SLC25A21: variants seen among roughly 807,000 people sequenced by gnomAD.
SLC25A21 encodes mitochondrial 2-oxodicarboxylate carrier.
A neutral mutation model predicts 43.8 loss-of-function variants in SLC25A21; 47 were observed. That is an observed-to-expected ratio of 1.07 (90% CI 0.85 to 1.37). SLC25A21 has a LOEUF of 1.37. SLC25A21 is among the 40% of genes most tolerant of loss of function. The pLI, the probability that SLC25A21 is intolerant of heterozygous loss-of-function variation, is 0.00. For missense variants in SLC25A21, 352 were observed against 350.2 expected (o/e 1.00, Z -0.04); for synonymous variants, 131 against 121.3 (o/e 1.08, Z -0.52).
At chr14:36,819,909 A>C (rs1291705306) in intron 2 of SLC25A21, among the ~76,000 whole-genome samples, 1 of 152,218 alleles carries the variant, frequency 6.6e-6, no homozygotes, top group Non-Finnish European at 1.5e-5. Context: ...TAACTTATAT[A>C]TTCCTATCTT....
intron 2 of SLC25A21, among the ~76,000 whole-genome samples, chr14:36,841,268 T>C (rs1370885452): frequency 6.6e-6 from 1 of 152,190 alleles, no homozygotes; most frequent in Non-Finnish European, 1.5e-5. Context: ...AACACAAAAG[T>C]ATATAATTCA....
At chr14:37,094,829 C>A (rs1162273537) in intron 1 of SLC25A21, among the ~76,000 whole-genome samples, 1 of 151,834 alleles carries the variant, frequency 6.6e-6, no homozygotes, top group African/African-American at 2.4e-5. Context: ...AAGTCAAATA[C>A]TGGTACCCAG....
chr14:36,740,085 C>T (rs2139238382), intron 3 of SLC25A21, among the ~76,000 whole-genome samples: 1 of 152,302 alleles, frequency 6.6e-6, no homozygotes, highest in East Asian at 1.9e-4. Flanking sequence ...GACATCATTG[C>T]TCCCAAGCTA....
chr14:36,694,756 G>T (rs1882944213), intron 7 of SLC25A21, among the ~76,000 whole-genome samples: 1 of 151,838 alleles, frequency 6.6e-6, no homozygotes, highest in African/African-American at 2.4e-5. Context: ...TTTTCATGAG[G>T]TTGTTTTTTT....
At chr14:36,691,126 T>C (rs972211205) in intron 7 of SLC25A21, among the ~76,000 whole-genome samples, 27 of 152,124 alleles carry the variant, frequency 1.8e-4, no homozygotes, top group Non-Finnish European at 3.2e-4. Flanking sequence ...AGAGCTAAAG[T>C]TCTATTATTT....
intron 1 of SLC25A21, among the ~76,000 whole-genome samples, chr14:37,090,508 G>C (rs977614328): frequency 6.6e-6 from 1 of 152,146 alleles, no homozygotes. Context: ...GGATGTCAAC[G>C]TGTTATTTTT....
chr14:36,802,833 A>G (rs1207469318), intron 3 of SLC25A21, among the ~76,000 whole-genome samples: 1 of 152,216 alleles, frequency 6.6e-6, no homozygotes, highest in Non-Finnish European at 1.5e-5. Flanking sequence ...AGGAGTTATA[A>G]TTGTGCCAGA....
chr14:36,945,958 A>G (rs1439914767), intron 1 of SLC25A21, among the ~76,000 whole-genome samples: 1 of 152,208 alleles, frequency 6.6e-6, no homozygotes, highest in African/African-American at 2.4e-5. Context: ...AAAGTCCAAA[A>G]TAAGAATTTG....
intron 1 of SLC25A21, among the ~76,000 whole-genome samples, chr14:36,943,914 A>G (rs1892625099): frequency 6.6e-6 from 1 of 152,204 alleles, no homozygotes; most frequent in East Asian, 1.9e-4. Flanking sequence ...TAATTAATTA[A>G]TTGAAAAAAT....
chr14:37,033,101 C>T (rs1407652789), intron 1 of SLC25A21, among the ~76,000 whole-genome samples: 1 of 152,158 alleles, frequency 6.6e-6, no homozygotes, highest in African/African-American at 2.4e-5. Flanking sequence ...AAAACTAACA[C>T]TCTATACCCA....
intron 1 of SLC25A21, among the ~76,000 whole-genome samples, chr14:36,942,584 T>G (rs1489518472): frequency 6.6e-6 from 1 of 152,196 alleles, no homozygotes; most frequent in African/African-American, 2.4e-5. Flanking sequence ...GATTTTAATT[T>G]TATGCAAGGA....
intron 1 of SLC25A21, among the ~76,000 whole-genome samples, chr14:37,022,054 G>C (rs989780327): frequency 1.2e-4 from 18 of 144,536 alleles, no homozygotes; most frequent in African/African-American, 4.2e-4. Flanking sequence ...GCTTCATAGG[G>C]ATTTTTTTTT....
At chr14:37,077,337 T>A (rs886094540) in intron 1 of SLC25A21, among the ~76,000 whole-genome samples, 2 of 152,204 alleles carry the variant, frequency 1.3e-5, no homozygotes, top group Non-Finnish European at 2.9e-5. Context: ...CTTTACAACA[T>A]CTGCTTTTAC....
At chr14:37,025,875 G>T (rs1961081962) in intron 1 of SLC25A21, among the ~76,000 whole-genome samples, 2 of 152,094 alleles carry the variant, frequency 1.3e-5, no homozygotes, top group African/African-American at 4.8e-5. Flanking sequence ...AAGATAAAGT[G>T]ATCAGTGCAT....
chr14:36,897,531 C>T (rs993402202), intron 1 of SLC25A21, among the ~76,000 whole-genome samples: 1 of 152,162 alleles, frequency 6.6e-6, no homozygotes, highest in Non-Finnish European at 1.5e-5. Context: ...CTTCTTCTCC[C>T]AACTCATCAA....
rs555341431 is a variant in SLC25A21, at chr14:37,026,491, T to G, written c.70+145790A>C. ...TGTAAATTCCACATATTTTTGCATC[T>G]AAATAAACAATGAGATTAGATCATC... is the stretch of plus-strand genomic sequence containing the variant. On this transcript the variant is annotated intron_variant, in intron 1 of 9. Transcript: ENST00000331299. 2.6e-4 allele frequency among the ~76,000 whole-genome samples: 39 copies of G among 152,252 alleles called. 1 individual carries two copies. Among genetic ancestry groups the G allele is most frequent in the Non-Finnish European group, 7.4e-5 (5 of 68,004 alleles).
intron 2 of SLC25A21, among the ~76,000 whole-genome samples, chr14:36,862,209 C>T (rs1183056295): frequency 1.3e-5 from 2 of 152,154 alleles, no homozygotes; most frequent in Non-Finnish European, 2.9e-5. Flanking sequence ...GGCAATTCCT[C>T]AAGGACCTAG....
chr14:36,999,592 G>A (rs1960443524), intron 1 of SLC25A21, among the ~76,000 whole-genome samples: 1 of 152,140 alleles, frequency 6.6e-6, no homozygotes, highest in African/African-American at 2.4e-5. Context: ...TGATACCAGG[G>A]AAGGCTATGC....
At chr14:36,877,036 T>G (rs1265292819) in intron 1 of SLC25A21, among the ~76,000 whole-genome samples, 1 of 151,980 alleles carries the variant, frequency 6.6e-6, no homozygotes, top group Non-Finnish European at 1.5e-5. Flanking sequence ...TTTAAAAAAT[T>G]TACTCTGGGA....
Sources: allele counts gnomAD v4.1 joint callset (sites outside exome capture counted in the v4.1 genomes callset), GRCh38; gene constraint gnomAD v4.1.1; transcripts MANE v1.5; gene names NCBI Gene and HGNC (gene_info 2026-07-23, HGNC 2026-07-21).